The following CDK15 variants were observed in gnomAD, a reference collection of about 807,000 sequenced individuals.
CDK15 encodes cyclin-dependent kinase 15.
In CDK15, 62 loss-of-function variants were observed where a neutral mutation model predicts 60.3. The ratio of observed to expected loss-of-function variants is 1.03; its 90% confidence interval spans 0.84 to 1.27. CDK15 has a LOEUF of 1.27. Ranked by LOEUF, CDK15 falls within the 50% of genes most tolerant of loss-of-function variation. The probability of loss-of-function intolerance (pLI) is 0.00; values close to 1 mark genes in which losing one functional copy is unlikely to be tolerated. For synonymous variants in CDK15, 194 were observed against 195.7 expected (o/e 0.99, Z 0.07); for missense variants, 541 against 527.8 (o/e 1.03, Z -0.25).
At chr2:201,826,088 T>C (rs886504109) in intron 6 of CDK15, among the ~76,000 whole-genome samples, 13 of 152,096 alleles carry the variant, frequency 8.5e-5, no homozygotes, top group Non-Finnish European at 2.9e-5. Flanking sequence ...TATAGGACAC[T>C]TGTGTAGAAT....
At chr2:201,817,178 C>G (rs894272285) in intron 4 of CDK15, among the ~76,000 whole-genome samples, 1 of 152,194 alleles carries the variant, frequency 6.6e-6, no homozygotes, top group African/African-American at 2.4e-5. Flanking sequence ...ACTTGCCTGC[C>G]CTGCCTCACT....
intron 6 of CDK15, among the ~76,000 whole-genome samples, chr2:201,824,096 G>C (rs147998853): frequency 6.6e-6 from 1 of 152,156 alleles, no homozygotes; most frequent in African/African-American, 2.4e-5. Flanking sequence ...TCAGATTACT[G>C]TGGTCTAAGG....
At chr2:201,828,660 T>C (rs569589547) in intron 6 of CDK15, among the ~76,000 whole-genome samples, 1 of 151,556 alleles carries the variant, frequency 6.6e-6, no homozygotes, top group Non-Finnish European at 1.5e-5. Context: ...CAGGTGGGAG[T>C]AGGGATGAGT....
intron 10 of CDK15, among the ~76,000 whole-genome samples, chr2:201,856,180 G>A (rs1306462179): frequency 3.3e-5 from 5 of 152,178 alleles, no homozygotes; most frequent in Non-Finnish European, 5.9e-5. Context: ...TTTCCTGAGA[G>A]CAAGAAATTG....
chr2:201,808,630 A>G (rs1412403035), intron 3 of CDK15: 3 of 152,168 alleles, frequency 2.0e-5, no homozygotes, highest in African/African-American at 7.2e-5. Context: ...TTACTCCAAT[A>G]GAGAGAAAAG....
chr2:201,861,070 G>A (rs1238440158), intron 10 of CDK15: 5 of 1,081,412 alleles, frequency 4.6e-6, no homozygotes, highest in Non-Finnish European at 5.7e-6. Flanking sequence ...GAACTAAGGG[G>A]AAAGATATTG....
rs1256163861 is a variant in CDK15 at position 201,820,584 on chromosome 2, A to G, written c.449-2225A>G. Among the ~76,000 whole-genome samples the G allele has an allele frequency of 2.6e-5, 4 of 152,216 alleles. No individual in the cohort carries two copies. The East Asian group carries it at 5.8e-4, about 22-fold the overall frequency. Reference sequence around the variant, plus strand: ...CCAGAGCTTACTCAGATAGGAAGTGACAGGGCCAGGATTCATATTAGGGCT... The same window carrying G: ...CCAGAGCTTACTCAGATAGGAAGTGGCAGGGCCAGGATTCATATTAGGGCT... On this transcript the variant is annotated intron_variant, in intron 4 of 13. Transcript: ENST00000652192.
In CDK15 at chr2:201,835,953, TA is replaced by T. The variant is rs1438340589; in HGVS notation, c.851+191del. Among the ~76,000 whole-genome samples, 668 of 120,054 alleles carry T rather than the reference TA, an allele frequency of 5.6e-3. 7 individuals are homozygous for T. Among genetic ancestry groups the T allele is most frequent in the East Asian group, 0.012 (47 of 3,914 alleles). The allele number at this position is 120,054 out of a possible 152,430, so 78.8% of individuals were successfully genotyped here. On this transcript the variant is annotated intron_variant, in intron 8 of 13. Transcript: ENST00000652192. Reference sequence around the variant, plus strand: ...TTTTATATATTTATATATTTATATATATTTGTATATATTTATATATTTATAT... The same window carrying T: ...TTTTATATATTTATATATTTATATATTTTGTATATATTTATATATTTATAT...
intron 8 of CDK15, among the ~76,000 whole-genome samples, chr2:201,840,368 A>G (rs574735374): frequency 1.3e-5 from 2 of 152,270 alleles, no homozygotes; most frequent in East Asian, 1.9e-4. Context: ...TAACCTACCA[A>G]TGAAAGGTGT....
intron 11 of CDK15, among the ~76,000 whole-genome samples, chr2:201,873,763 A>C (rs141329906): frequency 3.9e-4 from 59 of 152,318 alleles, no homozygotes; most frequent in African/African-American, 1.3e-3. Flanking sequence ...CACAGGAAGT[A>C]ATGTCTAGGC....
At chr2:201,824,701 GC>G (rs1332477246) in intron 6 of CDK15, 1 of 413,178 alleles carries the variant, frequency 2.4e-6, no homozygotes, top group African/African-American at 2.1e-5. Flanking sequence ...GAACCCAAGA[GC>G]CATATCAGCG....
chr2:201,832,386 T>A lies in CDK15; in HGVS notation c.607-1462T>A, dbSNP rs190672099. On this transcript the variant is annotated intron_variant, in intron 6 of 13. Coordinates refer to ENST00000652192, the MANE Select transcript of CDK15 (RefSeq NM_001366386.2). ...AAGCACATACTATCATATCTTCTTGTCTTTTACCTGGAATTTAAGCTGGTT... is the reference window on the plus strand; with the variant it reads ...AAGCACATACTATCATATCTTCTTGACTTTTACCTGGAATTTAAGCTGGTT... 3.9e-5 allele frequency among the ~76,000 whole-genome samples: 6 copies of A among 152,350 alleles called. No individual in the cohort carries two copies. The East Asian group carries it at 1.2e-3, about 29-fold the overall frequency.
chr2:201,867,549 C>T lies in CDK15; in HGVS notation c.1010-4729C>T, dbSNP rs575721492. Among the ~76,000 whole-genome samples, 11 of 151,516 alleles carry T rather than the reference C, an allele frequency of 7.3e-5. No homozygotes were observed. The East Asian group carries it at 1.4e-3, about 19-fold the overall frequency. The stretch of plus-strand genomic sequence containing the variant: ...CTGAGGCAGGAGAATGGCTTGAGAC[C>T]GGGAGGTCAAGGATGCAGTGAGCTG... On this transcript the variant is annotated intron_variant, in intron 10 of 13. Coordinates refer to ENST00000652192, the MANE Select transcript of CDK15 (RefSeq NM_001366386.2).
At chr2:201,846,135 C>T (rs528693157) in intron 8 of CDK15, among the ~76,000 whole-genome samples, 31 of 152,130 alleles carry the variant, frequency 2.0e-4, no homozygotes, top group African/African-American at 6.7e-4. Context: ...ATAAGTCAGC[C>T]AGGCTGCAGT....
chr2:201,840,623 TA>T (rs1370435381), intron 8 of CDK15, among the ~76,000 whole-genome samples: 1 of 152,254 alleles, frequency 6.6e-6, no homozygotes, highest in African/African-American at 2.4e-5. Context: ...TTTCAGAAGA[TA>T]AACCCTAATT....
intron 8 of CDK15, among the ~76,000 whole-genome samples, chr2:201,836,316 G>A (rs1375482897): frequency 1.4e-5 from 2 of 147,010 alleles, no homozygotes; most frequent in East Asian, 3.9e-4. Context: ...CAATTCTCCT[G>A]CCTCAGCCTT....
Position 201,894,408 on chromosome 2 carries a change from G to A in CDK15, c.*1141G>A, listed in dbSNP as rs1195842403. 6.6e-6 allele frequency: 1 copy of A among 152,170 alleles called. No homozygotes were observed. Among genetic ancestry groups the A allele is most frequent in the Non-Finnish European group, 1.5e-5 (1 of 68,038 alleles). The allele number at this position is 152,170 out of a possible 1,614,324, so 9.4% of individuals were successfully genotyped here. ...TGAGTAAGTATCTGATTTTAGTAAG[G>A]CATTTGACAAAGACTGTCCAGCTAT... is the stretch of plus-strand genomic sequence containing the variant. On this transcript the variant is annotated 3_prime_UTR_variant, in exon 14 of 14. Coordinates refer to ENST00000652192, the MANE Select transcript of CDK15 (RefSeq NM_001366386.2).
intron 10 of CDK15, among the ~76,000 whole-genome samples, chr2:201,855,500 GT>G (rs1470120844): frequency 1.3e-5 from 2 of 152,152 alleles, no homozygotes; most frequent in Non-Finnish European, 2.9e-5. Context: ...TGCTGGAAGT[GT>G]TATCCATGGG....
At chr2:201,813,178 T>C (rs1051181443) in intron 4 of CDK15, among the ~76,000 whole-genome samples, 2 of 152,196 alleles carry the variant, frequency 1.3e-5, no homozygotes, top group African/African-American at 4.8e-5. Flanking sequence ...ATGGAGTTGT[T>C]ATGAGTATTC....
Sources: allele counts gnomAD v4.1 joint callset (sites outside exome capture counted in the v4.1 genomes callset), GRCh38; gene constraint gnomAD v4.1.1; transcripts MANE v1.5; gene names NCBI Gene and HGNC (gene_info 2026-07-23, HGNC 2026-07-21).